DYNC1I1: variants seen among roughly 807,000 people sequenced by gnomAD.
DYNC1I1 encodes the protein dynein cytoplasmic 1 intermediate chain 1, also known as cytoplasmic dynein 1 intermediate chain 1.
Under a neutral mutation model 86.6 loss-of-function variants are expected in DYNC1I1, and 43 were observed. The ratio of observed to expected loss-of-function variants is 0.50; its 90% CI spans 0.39 to 0.64. The LOEUF is 0.64. Ranked by LOEUF, DYNC1I1 falls within the 30% of genes least tolerant of loss-of-function variation. The pLI is 0.00. For missense variants in DYNC1I1, 604 were observed against 788.8 expected, an observed-to-expected ratio of 0.77 and a Z score of 2.81; for synonymous variants, 262 against 283.7, an observed-to-expected ratio of 0.92 and a Z score of 0.77.
At chr7:96,030,330 T>TTGTGTGTGTGTGTGTG (rs200496803) in intron 11 of DYNC1I1, among the ~76,000 whole-genome samples, 4 of 135,400 alleles carry the variant, frequency 3.0e-5, no homozygotes, top group Non-Finnish European at 6.3e-5. Context: ...AATGGTAGAG[T>TTGTGTGTGTGTGTGTG]TGTGTGTGTG....
chr7:95,885,151 T>C (rs1790560460), intron 6 of DYNC1I1, among the ~76,000 whole-genome samples: 1 of 152,186 alleles, frequency 6.6e-6, no homozygotes, highest in Admixed American at 6.5e-5. Flanking sequence ...TTTAGAATTC[T>C]TATTGTGAGA....
At chr7:96,069,728 T>C (rs1790105291) in intron 14 of DYNC1I1, among the ~76,000 whole-genome samples, 1 of 152,216 alleles carries the variant, frequency 6.6e-6, no homozygotes, top group Admixed American at 6.5e-5. Context: ...TACATTCTTT[T>C]ATATGGATAA....
At chr7:96,020,447 C>T (rs575432456) in intron 10 of DYNC1I1, among the ~76,000 whole-genome samples, 2 of 152,150 alleles carry the variant, frequency 1.3e-5, no homozygotes, top group African/African-American at 4.8e-5. Flanking sequence ...TTGTGAGACC[C>T]ACCCGCCAGC....
chr7:95,837,355 C>T (rs1323138676), intron 5 of DYNC1I1, among the ~76,000 whole-genome samples: 2 of 152,148 alleles, frequency 1.3e-5, no homozygotes, highest in Non-Finnish European at 2.9e-5. Flanking sequence ...ACTGGAAGAA[C>T]CACTGCTCTC....
Position 95,872,697 on chromosome 7 carries a change from A to ACCTT in DYNC1I1, c.490+2705_490+2708dup, listed in dbSNP as rs1250730689. ...AATACTGTTCTTTCAACAAGGTTAG[A>ACCTT]CCTTCCTTCTCTGCAGGGAAAGAAG... On this transcript the variant is annotated intron_variant, in intron 6 of 16. Coordinates refer to ENST00000447467, the MANE Select transcript of DYNC1I1 (RefSeq NM_001135556.2). 7.9e-5 allele frequency among the ~76,000 whole-genome samples: 12 copies of ACCTT among 152,342 alleles called. No individual in the cohort carries two copies. In the East Asian group the frequency reaches 2.3e-3, roughly 29 times the overall value.
Position 96,097,709 on chromosome 7 carries a change from G to T in DYNC1I1, c.*116G>T. On this transcript the variant is annotated 3_prime_UTR_variant, in exon 17 of 17. Coordinates refer to ENST00000447467, the MANE Select transcript of DYNC1I1 (RefSeq NM_001135556.2). ...GTATCAGTATTGCTGTGATATTTTG[G>T]GTGCCATATTGTGCCAGCTTTGCTC... The T allele has an allele frequency of 6.9e-7, 1 of 1,446,428 alleles. No individual in the cohort carries two copies. The allele number at this position is 1,446,428 out of a possible 1,614,324, so 89.6% of individuals were successfully genotyped here.
intron 6 of DYNC1I1, among the ~76,000 whole-genome samples, chr7:95,879,084 T>C (rs1211372376): frequency 1.3e-5 from 2 of 151,814 alleles, no homozygotes; most frequent in Non-Finnish European, 2.9e-5. Context: ...TTACAAGAAA[T>C]ATAAAAGAAA....
intron 15 of DYNC1I1, among the ~76,000 whole-genome samples, chr7:96,077,111 C>T (rs917666192): frequency 1.3e-5 from 2 of 152,160 alleles, no homozygotes; most frequent in East Asian, 1.9e-4. Flanking sequence ...ACAAGTGCTG[C>T]GAACTATATG....
intron 1 of DYNC1I1, among the ~76,000 whole-genome samples, chr7:95,789,246 G>C (rs1361028738): frequency 6.6e-6 from 1 of 152,160 alleles, no homozygotes; most frequent in Admixed American, 6.5e-5. Flanking sequence ...ATGGGTATTT[G>C]CTTTCTAAAA....
chr7:96,016,551 A>G (rs1461465863), intron 10 of DYNC1I1, among the ~76,000 whole-genome samples: 1 of 152,138 alleles, frequency 6.6e-6, no homozygotes, highest in Non-Finnish European at 1.5e-5. Context: ...ATATCATGCA[A>G]TTGTTTTTAG....
chr7:96,067,143 T>G lies in DYNC1I1; in HGVS notation c.1510-8914T>G, dbSNP rs1790016795. Among the ~76,000 whole-genome samples the G allele has an allele frequency of 1.3e-5, 2 of 151,984 alleles. 1 individual carries two copies. Among genetic ancestry groups the G allele is most frequent in the South Asian group, 4.2e-4 (2 of 4,814 alleles). On this transcript the variant is annotated intron_variant, in intron 14 of 16. Coordinates refer to ENST00000447467, the MANE Select transcript of DYNC1I1 (RefSeq NM_001135556.2). The stretch of plus-strand genomic sequence containing the variant: ...AAAAACATGTCATAAAAATAAAAAG[T>G]TGAAGTTTTAGCTATCACCGGCATC...
intron 5 of DYNC1I1, among the ~76,000 whole-genome samples, chr7:95,865,621 G>T (rs747346516): frequency 3.9e-5 from 6 of 152,208 alleles, no homozygotes; most frequent in Non-Finnish European, 7.3e-5. Context: ...GACGCACTGT[G>T]TATTATGGTG....
At chr7:95,956,346 C>T (rs1443967391) in intron 6 of DYNC1I1, among the ~76,000 whole-genome samples, 1 of 151,516 alleles carries the variant, frequency 6.6e-6, no homozygotes, top group Non-Finnish European at 1.5e-5. Flanking sequence ...TCGACTTACA[C>T]AACAGGTGCT....
At chr7:96,059,436 C>T (rs1253508381) in intron 14 of DYNC1I1, among the ~76,000 whole-genome samples, 1 of 152,096 alleles carries the variant, frequency 6.6e-6, no homozygotes, top group Admixed American at 6.5e-5. Context: ...GGAACAGGTA[C>T]ATCAGGGGAC....
intron 6 of DYNC1I1, among the ~76,000 whole-genome samples, chr7:95,897,850 A>G (rs2116296220): frequency 6.6e-6 from 1 of 152,010 alleles, no homozygotes; most frequent in East Asian, 1.9e-4. Flanking sequence ...TTTTGGTGTA[A>G]AATTTTGGTC....
chr7:95,978,369 AAAAAG>A (rs1164204034), intron 7 of DYNC1I1, among the ~76,000 whole-genome samples: 5 of 152,210 alleles, frequency 3.3e-5, no homozygotes, highest in Non-Finnish European at 7.3e-5. Flanking sequence ...GAAAGAAAGA[AAAAAG>A]AAAAGAAAAG....
intron 1 of DYNC1I1, among the ~76,000 whole-genome samples, chr7:95,775,845 A>C (rs893602803): frequency 2.6e-5 from 4 of 152,210 alleles, no homozygotes; most frequent in African/African-American, 9.6e-5. Flanking sequence ...TGCTGGAACT[A>C]GGAACTTCTA....
intron 5 of DYNC1I1, among the ~76,000 whole-genome samples, chr7:95,843,106 G>T (rs1204454334): frequency 6.6e-6 from 1 of 152,178 alleles, no homozygotes; most frequent in Non-Finnish European, 1.5e-5. Context: ...AAATCTTAAG[G>T]TTTTCCAGTT....
intron 5 of DYNC1I1, among the ~76,000 whole-genome samples, chr7:95,868,662 A>C (rs769477043): frequency 5.9e-5 from 9 of 152,158 alleles, no homozygotes; most frequent in Non-Finnish European, 1.3e-4. Flanking sequence ...TACTAAAAAC[A>C]ATGTTCCAGA....
Sources: allele counts gnomAD v4.1 joint callset (sites outside exome capture counted in the v4.1 genomes callset), GRCh38; gene constraint gnomAD v4.1.1; transcripts MANE v1.5; gene names NCBI Gene and HGNC (gene_info 2026-07-23, HGNC 2026-07-21).